SORCS2: variants seen among roughly 807,000 people sequenced by gnomAD.
SORCS2 encodes sortilin related VPS10 domain containing receptor 2.
In SORCS2, 100 loss-of-function variants were observed where a neutral mutation model predicts 141.6. That is an observed-to-expected ratio of 0.71 (90% CI 0.60 to 0.83). The LOEUF is 0.83. Among genes scored for constraint, SORCS2 ranks in the 40% least tolerant of loss-of-function variants. SORCS2 has a pLI of 0.00. For synonymous variants in SORCS2, 789 were observed against 676.9 expected (o/e 1.17, Z -2.57); for missense variants, 1,646 against 1,560.2 (o/e 1.05, Z -0.93).
intron 10 of SORCS2, among the ~76,000 whole-genome samples, chr4:7,688,336 G>T (rs113165787): frequency 7.9e-5 from 12 of 152,316 alleles, no homozygotes; most frequent in African/African-American, 2.6e-4. Context: ...AAAATTAGTG[G>T]TGTCTCCTAA....
chr4:7,234,632 G>A (rs1039985079), intron 1 of SORCS2, among the ~76,000 whole-genome samples: 10 of 152,196 alleles, frequency 6.6e-5, no homozygotes, highest in African/African-American at 2.4e-4. Context: ...AGGTCTAGGC[G>A]GCCTCCCTGG....
At chr4:7,350,595 C>T (rs914380275) in intron 1 of SORCS2, among the ~76,000 whole-genome samples, 1 of 152,192 alleles carries the variant, frequency 6.6e-6, no homozygotes, top group Non-Finnish European at 1.5e-5. Context: ...CAGGCATGAC[C>T]CTGAAGGCCA....
intron 3 of SORCS2, among the ~76,000 whole-genome samples, chr4:7,569,134 C>T (rs988787895): frequency 4.6e-5 from 7 of 152,176 alleles, no homozygotes; most frequent in African/African-American, 1.4e-4. Flanking sequence ...TTGCTGTTGC[C>T]CAGCTCTTGG....
chr4:7,592,290 C>T (rs1056175086), intron 3 of SORCS2, among the ~76,000 whole-genome samples: 9 of 152,036 alleles, frequency 5.9e-5, no homozygotes, highest in South Asian at 2.1e-4. Context: ...GATCTGGGCA[C>T]GCTGGTATTT....
chr4:7,511,361 G>T (rs1732629538), intron 2 of SORCS2, among the ~76,000 whole-genome samples: 1 of 113,608 alleles, frequency 8.8e-6, no homozygotes, highest in South Asian at 3.5e-4. Context: ...GAGAGAGAGA[G>T]AGAGTGAGAG....
intron 2 of SORCS2, chr4:7,434,754 C>G (rs977780035): frequency 6.2e-7 from 1 of 1,613,118 alleles, no homozygotes; most frequent in Non-Finnish European, 8.5e-7. Context: ...CAGCCCCGCA[C>G]CTGGCAGCTG....
chr4:7,695,940 GTGGATGGA>G (rs779120222), intron 11 of SORCS2, among the ~76,000 whole-genome samples: 2 of 88,526 alleles, frequency 2.3e-5, no homozygotes, highest in African/African-American at 8.8e-5. Context: ...GGGTGGGTGG[GTGGATGGA>G]TGGATGGATG....
chr4:7,704,163 T>A lies in SORCS2; in HGVS notation c.1761-14T>A. 1 of 1,608,244 alleles carries A rather than the reference T, an allele frequency of 6.2e-7. No individual in the cohort carries two copies. Among genetic ancestry groups the A allele is most frequent in the Middle Eastern group, 1.7e-4 (1 of 6,056 alleles). On this transcript the variant is annotated splice_polypyrimidine_tract_variant and intron_variant, in intron 13 of 26. Transcript: ENST00000507866. ...CAGCCCACCCCAGAGATGCTGACGA[T>A]CTTCTCCTGGCAGGTTCAGTGTGGA...
intron 2 of SORCS2, among the ~76,000 whole-genome samples, chr4:7,527,619 T>C (rs1372489275): frequency 1.3e-5 from 2 of 152,152 alleles, no homozygotes; most frequent in Non-Finnish European, 2.9e-5. Context: ...CTGTAGATAA[T>C]GAATGTGGCT....
At chr4:7,473,993 C>T (rs1381888695) in intron 2 of SORCS2, among the ~76,000 whole-genome samples, 2 of 152,206 alleles carry the variant, frequency 1.3e-5, no homozygotes, top group Admixed American at 1.3e-4. Flanking sequence ...CTCTGCTGCA[C>T]CCATCTGAAG....
At chr4:7,417,498 C>G (rs1725777029) in intron 2 of SORCS2, among the ~76,000 whole-genome samples, 1 of 152,160 alleles carries the variant, frequency 6.6e-6, no homozygotes, top group African/African-American at 2.4e-5. Context: ...CATGGGCACC[C>G]TAATTCTGGA....
At chr4:7,309,495 C>T (rs750039235) in intron 1 of SORCS2, among the ~76,000 whole-genome samples, 20 of 152,200 alleles carry the variant, frequency 1.3e-4, no homozygotes, top group Non-Finnish European at 2.2e-4. Context: ...CTGGTTGACA[C>T]CGGGCGACAC....
intron 2 of SORCS2, among the ~76,000 whole-genome samples, chr4:7,510,662 G>A (rs1732571097): frequency 6.7e-6 from 1 of 148,922 alleles, no homozygotes; most frequent in Admixed American, 6.7e-5. Flanking sequence ...GGCATGTCCT[G>A]GAAATGCGAC....
chr4:7,297,182 C>T (rs1024280278), intron 1 of SORCS2, among the ~76,000 whole-genome samples: 1 of 152,306 alleles, frequency 6.6e-6, no homozygotes, highest in Non-Finnish European at 1.5e-5. Context: ...CCTCAGTATG[C>T]CCCCTTCCCT....
chr4:7,384,536 A>G (rs560716331), intron 1 of SORCS2, among the ~76,000 whole-genome samples: 2 of 152,262 alleles, frequency 1.3e-5, no homozygotes, highest in East Asian at 1.9e-4. Flanking sequence ...CTCTGCCTCA[A>G]CCGCGCTGGG....
At chr4:7,464,719 T>A (rs190533097) in intron 2 of SORCS2, among the ~76,000 whole-genome samples, 1 of 151,310 alleles carries the variant, frequency 6.6e-6, no homozygotes, top group Non-Finnish European at 1.5e-5. Flanking sequence ...CAATGACAAA[T>A]AAAAAACAGA....
intron 12 of SORCS2, among the ~76,000 whole-genome samples, chr4:7,698,034 G>A (rs949649779): frequency 7.9e-5 from 12 of 152,018 alleles, no homozygotes; most frequent in African/African-American, 2.7e-4. Flanking sequence ...GATGCCAGTC[G>A]GTACCACGTG....
At chr4:7,394,704 A>G (rs1577494878) in intron 1 of SORCS2, among the ~76,000 whole-genome samples, 2 of 152,012 alleles carry the variant, frequency 1.3e-5, no homozygotes, top group African/African-American at 2.4e-5. Context: ...TACAGGCAGG[A>G]GTGACGGGGA....
In SORCS2 at chr4:7,737,128, C is replaced by T. The variant is rs915855492; in HGVS notation, c.3371C>T (p.Thr1124Ile). ...CACAACGAGAAGGAGCAGGAGATGA[C>T]CAGCCCTGTGAGTCACAGTGAGGAC... ...QMHNEKEQEMTSPVSHSEDVQ... is the reference protein window; with the variant it reads ...QMHNEKEQEMISPVSHSEDVQ... The change falls in exon 26 of 27, where the codon ACC (threonine) becomes ATC (isoleucine). Residue 1124 changes from threonine to isoleucine, a missense_variant. Coordinates refer to ENST00000507866, the MANE Select transcript of SORCS2 (RefSeq NM_020777.3). The T allele has an allele frequency of 4.5e-6, 7 of 1,551,308 alleles. No individual in the cohort carries two copies. In the East Asian group the frequency reaches 1.5e-4, roughly 33 times the overall value.
Sources: allele counts gnomAD v4.1 joint callset (sites outside exome capture counted in the v4.1 genomes callset), GRCh38; gene constraint gnomAD v4.1.1; transcripts MANE v1.5; gene names NCBI Gene and HGNC (gene_info 2026-07-23, HGNC 2026-07-21).